CDC42BPA: variants seen among roughly 807,000 people sequenced by gnomAD.
The protein encoded by CDC42BPA is CDC42 binding protein kinase alpha, also known as serine/threonine-protein kinase MRCK alpha.
A neutral mutation model predicts 223.5 loss-of-function variants in CDC42BPA; 80 were observed. The observed-to-expected ratio is 0.36, with a 90% CI of 0.30 to 0.43. The LOEUF (loss-of-function observed/expected upper bound fraction) is 0.43, where lower values mean the gene tolerates loss of function less well. Among genes scored for constraint, CDC42BPA ranks in the 20% least tolerant of loss-of-function variants. CDC42BPA has a pLI of 1.00. For missense variants in CDC42BPA, 1,743 were observed against 2,099.9 expected (o/e 0.83, Z 3.32); for synonymous variants, 694 against 718.6 (o/e 0.97, Z 0.55).
At chr1:227,188,408 GAGA>G (rs1669181781) in intron 5 of CDC42BPA, among the ~76,000 whole-genome samples, 3 of 33,758 alleles carry the variant, frequency 8.9e-5, no homozygotes, top group South Asian at 7.6e-4. Flanking sequence ...TAAAAAGAGA[GAGA>G]GGGAAAAAAA....
At chr1:227,041,673 G>C (rs1182279172) in intron 23 of CDC42BPA, among the ~76,000 whole-genome samples, 1 of 152,176 alleles carries the variant, frequency 6.6e-6, no homozygotes, top group Non-Finnish European at 1.5e-5. Flanking sequence ...GCATTAGTCA[G>C]AGAATGGGGT....
chr1:227,132,930 C>T (rs1571870785), intron 10 of CDC42BPA, among the ~76,000 whole-genome samples: 1 of 151,212 alleles, frequency 6.6e-6, no homozygotes, highest in South Asian at 2.1e-4. Flanking sequence ...AGCCCCTCCG[C>T]CCGGCAGCCG....
At chr1:227,014,028 T>C (rs1370660184) in intron 34 of CDC42BPA, among the ~76,000 whole-genome samples, 2 of 152,118 alleles carry the variant, frequency 1.3e-5, no homozygotes, top group African/African-American at 4.8e-5. Context: ...CATCCCACCT[T>C]CCATAAGGAA....
At chr1:227,008,866 GCTT>G (rs1664623771) in intron 34 of CDC42BPA, among the ~76,000 whole-genome samples, 1 of 143,158 alleles carries the variant, frequency 7.0e-6, no homozygotes, top group Admixed American at 7.0e-5. Flanking sequence ...TAAAGCAAAT[GCTT>G]TTTTTTTCTC....
intron 21 of CDC42BPA, among the ~76,000 whole-genome samples, chr1:227,063,681 G>A (rs1676400543): frequency 6.6e-6 from 1 of 152,108 alleles, no homozygotes; most frequent in Admixed American, 6.5e-5. Context: ...AATTGAATGA[G>A]CAAATTTCAG....
intron 10 of CDC42BPA, among the ~76,000 whole-genome samples, chr1:227,130,071 A>G (rs888138185): frequency 3.3e-5 from 5 of 152,358 alleles, no homozygotes; most frequent in South Asian, 2.1e-4. Context: ...TAAAAAAACA[A>G]TAACTCTATT....
At chr1:227,012,577 G>C (rs1665430655) in intron 34 of CDC42BPA, among the ~76,000 whole-genome samples, 1 of 152,098 alleles carries the variant, frequency 6.6e-6, no homozygotes, top group Non-Finnish European at 1.5e-5. Flanking sequence ...AAGCTTATAA[G>C]TATTTCACAG....
At chr1:227,067,545 T>C (rs1276308722) in intron 21 of CDC42BPA, among the ~76,000 whole-genome samples, 1 of 152,202 alleles carries the variant, frequency 6.6e-6, no homozygotes, top group Non-Finnish European at 1.5e-5. Flanking sequence ...GAGCAGCAGA[T>C]TATAACATGC....
In CDC42BPA at chr1:227,160,526, G is replaced by C. The variant is rs758885085; in HGVS notation, c.693+17C>G. On this transcript the variant is annotated intron_variant, in intron 6 of 36. Transcript: ENST00000366766. The stretch of plus-strand genomic sequence containing the variant: ...AATGTCTGTGAACAAAATAATTTAG[G>C]ATTTATCTTTATTTACCGTTCCATC... 1 of 1,456,462 alleles carries C rather than the reference G, an allele frequency of 6.9e-7. No homozygotes were observed. Among genetic ancestry groups the C allele is most frequent in the Non-Finnish European group, 9.6e-7 (1 of 1,037,336 alleles). 90.2% of individuals were successfully genotyped at this position (1,456,462 alleles called of 1,614,324 possible). A position where few individuals can be genotyped will look rare whatever the true frequency, so the allele number is the denominator to read the frequency against.
At chr1:227,232,454 G>C (rs1389389476) in intron 2 of CDC42BPA, among the ~76,000 whole-genome samples, 2 of 152,154 alleles carry the variant, frequency 1.3e-5, no homozygotes, top group Non-Finnish European at 2.9e-5. Flanking sequence ...TCCGTTGCTG[G>C]CAAGGAGCTG....
intron 11 of CDC42BPA, among the ~76,000 whole-genome samples, chr1:227,123,605 T>C (rs1689045735): frequency 6.6e-6 from 1 of 152,104 alleles, no homozygotes; most frequent in Admixed American, 6.5e-5. Flanking sequence ...GGTCAAAAAA[T>C]GGGCATGATT....
intron 2 of CDC42BPA, among the ~76,000 whole-genome samples, chr1:227,236,920 G>A (rs1402185027): frequency 6.6e-6 from 1 of 152,008 alleles, no homozygotes; most frequent in Non-Finnish European, 1.5e-5. Flanking sequence ...ACACATGCCT[G>A]TGGTACCAGC....
At chr1:227,121,947 C>A (rs1349624616) in intron 11 of CDC42BPA, among the ~76,000 whole-genome samples, 1 of 151,714 alleles carries the variant, frequency 6.6e-6, no homozygotes, top group Non-Finnish European at 1.5e-5. Flanking sequence ...ATTACAGACA[C>A]TCGCCACCAC....
chr1:227,100,777 T>TGTGTGTGTGTGTGC (rs777124731), intron 15 of CDC42BPA, among the ~76,000 whole-genome samples: 39 of 128,604 alleles, frequency 3.0e-4, no homozygotes, highest in African/African-American at 1.0e-3. Flanking sequence ...TGTGTGTGTG[T>TGTGTGTGTGTGTGC]GCGTGTGCCA....
rs1354956767 is a variant in CDC42BPA at position 227,256,936 on chromosome 1, T to TACACACACACACACAC, written c.179-2782_179-2781insGTGTGTGTGTGTGTGT. 6.4e-5 allele frequency among the ~76,000 whole-genome samples: 6 copies of TACACACACACACACAC among 93,172 alleles called. 1 individual carries two copies. Among genetic ancestry groups the TACACACACACACACAC allele is most frequent in the African/African-American group, 1.4e-4 (3 of 21,434 alleles). The allele number at this position is 93,172 out of a possible 152,430, so 61.1% of individuals were successfully genotyped here. ...AGATGAACAGATAAACAAAATGTGA[T>TACACACACACACACAC]ATATATATACAGACACACACACACA... is the stretch of plus-strand genomic sequence containing the variant. On this transcript the variant is annotated intron_variant, in intron 1 of 36. Transcript: ENST00000366766.
intron 2 of CDC42BPA, among the ~76,000 whole-genome samples, chr1:227,250,672 A>AT (rs1038020956): frequency 4.0e-5 from 6 of 151,344 alleles, no homozygotes; most frequent in East Asian, 1.9e-4. Context: ...ATATACTTCA[A>AT]TTTTTTTTAA....
At chr1:227,044,649 C>T (rs7523619) in intron 23 of CDC42BPA, among the ~76,000 whole-genome samples, 4 of 152,172 alleles carry the variant, frequency 2.6e-5, no homozygotes, top group East Asian at 3.9e-4. Flanking sequence ...TGATTTGAGA[C>T]GTTATCTGTT....
At chr1:227,004,888 G>A (rs1415656169) in intron 35 of CDC42BPA, 106 bp downstream of exon 35, 1 of 821,448 alleles carries the variant, frequency 1.2e-6, no homozygotes, top group Admixed American at 1.7e-5. Context: ...ACTTGAGAAT[G>A]CAATGGGCAC....
At chr1:227,080,845 C>A (rs560685551) in intron 17 of CDC42BPA, 48 bp downstream of exon 17, 10 of 1,606,734 alleles carry the variant, frequency 6.2e-6, no homozygotes, top group Non-Finnish European at 8.5e-6. Flanking sequence ...ACCAACTTGG[C>A]CACATACTCA....
Sources: allele counts gnomAD v4.1 joint callset (sites outside exome capture counted in the v4.1 genomes callset), GRCh38; gene constraint gnomAD v4.1.1; transcripts MANE v1.5; gene names NCBI Gene and HGNC (gene_info 2026-07-23, HGNC 2026-07-21).